The following DPP10 variants were observed in gnomAD, a reference collection of about 807,000 sequenced individuals.
The protein encoded by DPP10 is inactive dipeptidyl peptidase 10.
In DPP10, 33 loss-of-function variants were observed where a neutral mutation model predicts 120.9. That is an observed-to-expected ratio of 0.27 (90% confidence interval 0.21 to 0.37). The LOEUF is 0.37. DPP10 is among the 10% of genes least tolerant of loss of function. The pLI, the probability that DPP10 is intolerant of heterozygous loss-of-function variation, is 1.00. For synonymous variants in DPP10, 337 were observed against 326.1 expected, an observed-to-expected ratio of 1.03 and a Z score of -0.36; for missense variants, 816 against 942.8, an observed-to-expected ratio of 0.87 and a Z score of 1.76.
At chr2:115,180,743 T>C (rs1306964813) in intron 1 of DPP10, among the ~76,000 whole-genome samples, 2 of 152,210 alleles carry the variant, frequency 1.3e-5, no homozygotes, top group African/African-American at 4.8e-5. Context: ...CCCAGACTGA[T>C]GCTCCAAGGA....
In DPP10 at chr2:115,201,358, G is replaced by C. The variant is rs191084243; in HGVS notation, c.61-107881G>C. The stretch of plus-strand genomic sequence containing the variant: ...CATGCCTGTAATCCCAGCTACCTGA[G>C]AGGCTGAAGCAGGAGAATTGCTGGA... On this transcript the variant is annotated intron_variant, in intron 1 of 25. Transcript: ENST00000410059. Among the ~76,000 whole-genome samples the C allele has an allele frequency of 3.2e-3, 488 of 152,290 alleles. 2 individuals carry two copies. The highest frequency in any genetic ancestry group is 0.011 in the African/African-American group (452 of 41,566).
chr2:115,820,436 T>C (rs958746588), intron 21 of DPP10, among the ~76,000 whole-genome samples: 1 of 151,990 alleles, frequency 6.6e-6, no homozygotes, highest in African/African-American at 2.4e-5. Context: ...TTTTTCTTTT[T>C]TTTTTTTATT....
At chr2:115,139,391 A>G (rs2050803461) in intron 1 of DPP10, among the ~76,000 whole-genome samples, 1 of 152,072 alleles carries the variant, frequency 6.6e-6, no homozygotes, top group African/African-American at 2.4e-5. Flanking sequence ...TAAATCATCA[A>G]TGGACTCTAG....
chr2:114,771,433 G>C (rs906324905), intron 1 of DPP10, among the ~76,000 whole-genome samples: 4 of 152,168 alleles, frequency 2.6e-5, no homozygotes, highest in Admixed American at 6.5e-5. Context: ...TCTGCTTCCT[G>C]ATTCGGCAAC....
chr2:115,513,742 A>G (rs936301112), intron 4 of DPP10, among the ~76,000 whole-genome samples: 2 of 152,002 alleles, frequency 1.3e-5, no homozygotes, highest in South Asian at 2.1e-4. Flanking sequence ...ACGCTTTTAT[A>G]ATAATTGTTT....
At chr2:114,796,170 T>C (rs1683693983) in intron 1 of DPP10, among the ~76,000 whole-genome samples, 1 of 152,118 alleles carries the variant, frequency 6.6e-6, no homozygotes, top group Non-Finnish European at 1.5e-5. Context: ...TTTAGTGCAA[T>C]ACAGTAAAGC....
At position 115,402,547 on chromosome 2, in the gene DPP10, G is replaced by T. The variant is rs958751868; in HGVS notation, c.271+58635G>T. 4.6e-5 allele frequency among the ~76,000 whole-genome samples: 7 copies of T among 151,288 alleles called. No homozygotes were observed. The South Asian group carries it at 1.5e-3, about 32-fold the overall frequency. On this transcript the variant is annotated intron_variant, in intron 3 of 25. Transcript: ENST00000410059. ...GTACATTGGATAACTTAGAAGAAAT[G>T]GATAAATTCCTAGACACATGAAAGC...
chr2:114,975,202 C>A (rs180790685), intron 1 of DPP10, among the ~76,000 whole-genome samples: 9 of 151,892 alleles, frequency 5.9e-5, no homozygotes, highest in Non-Finnish European at 1.2e-4. Context: ...CATGCCACCA[C>A]GCCCAGCTAA....
intron 11 of DPP10, among the ~76,000 whole-genome samples, chr2:115,761,091 T>G (rs920377851): frequency 8.5e-6 from 1 of 117,040 alleles, no homozygotes; most frequent in Non-Finnish European, 1.8e-5. Context: ...AGCAAGACTT[T>G]GTCTCAAAAA....
intron 1 of DPP10, among the ~76,000 whole-genome samples, chr2:115,199,020 A>G (rs969911271): frequency 3.3e-5 from 5 of 152,198 alleles, no homozygotes; most frequent in Non-Finnish European, 5.9e-5. Context: ...TATAAAAAAC[A>G]TGGTAGAGGC....
At chr2:115,045,932 T>C (rs181023384) in intron 1 of DPP10, among the ~76,000 whole-genome samples, 39 of 152,282 alleles carry the variant, frequency 2.6e-4, no homozygotes, top group Non-Finnish European at 5.1e-4. Flanking sequence ...CTTTTACTAA[T>C]CTTATGAGTA....
chr2:114,500,772 A>G lies in DPP10; in HGVS notation c.60+57934A>G, dbSNP rs573169070. Among the ~76,000 whole-genome samples, 13 of 152,342 alleles carry G rather than the reference A, an allele frequency of 8.5e-5. No individual in the cohort carries two copies. The South Asian group carries it at 2.7e-3, about 32-fold the overall frequency. ...AGGAAACAAAATCATTGAATCTGAA[A>G]CACTGTTGTCTTTGGAATATCCTGA... On this transcript the variant is annotated intron_variant, in intron 1 of 25. Coordinates refer to ENST00000410059, the MANE Select transcript of DPP10 (RefSeq NM_020868.6).
chr2:114,874,076 G>T (rs151009660), intron 1 of DPP10, among the ~76,000 whole-genome samples: 3 of 152,244 alleles, frequency 2.0e-5, no homozygotes, highest in East Asian at 3.9e-4. Flanking sequence ...AGGATTTCTG[G>T]CATGTTTGAA....
At chr2:114,986,567 C>A (rs1044107199) in intron 1 of DPP10, among the ~76,000 whole-genome samples, 1 of 152,014 alleles carries the variant, frequency 6.6e-6, no homozygotes, top group Non-Finnish European at 1.5e-5. Context: ...CACTACCAAT[C>A]AAATCTGAAG....
intron 1 of DPP10, among the ~76,000 whole-genome samples, chr2:114,518,718 A>G (rs1167952056): frequency 6.6e-6 from 1 of 152,224 alleles, no homozygotes; most frequent in Non-Finnish European, 1.5e-5. Context: ...CCTGCATTTT[A>G]GCAAGAGTTC....
intron 5 of DPP10, among the ~76,000 whole-genome samples, chr2:115,613,838 A>G (rs1376081018): frequency 2.6e-5 from 4 of 152,192 alleles, no homozygotes; most frequent in African/African-American, 9.7e-5. Context: ...AAGAAAAGGT[A>G]CAATAAAGGA....
At chr2:114,959,349 G>A (rs1394517407) in intron 1 of DPP10, among the ~76,000 whole-genome samples, 1 of 152,016 alleles carries the variant, frequency 6.6e-6, no homozygotes, top group Non-Finnish European at 1.5e-5. Flanking sequence ...TTTGTGTCTG[G>A]TTTCTTTCAG....
chr2:114,649,223 TA>T (rs1195238519), intron 1 of DPP10, among the ~76,000 whole-genome samples: 1 of 152,234 alleles, frequency 6.6e-6, no homozygotes, highest in Non-Finnish European at 1.5e-5. Flanking sequence ...TTTTTTCTAT[TA>T]ACCAGAAACA....
At chr2:114,963,815 G>T (rs550272618) in intron 1 of DPP10, among the ~76,000 whole-genome samples, 2 of 152,266 alleles carry the variant, frequency 1.3e-5, no homozygotes, top group African/African-American at 4.8e-5. Flanking sequence ...ACCAAGAAAA[G>T]CCCAATAGCT....
Sources: allele counts gnomAD v4.1 joint callset (sites outside exome capture counted in the v4.1 genomes callset), GRCh38; gene constraint gnomAD v4.1.1; transcripts MANE v1.5; gene names NCBI Gene and HGNC (gene_info 2026-07-23, HGNC 2026-07-21).